The following DIS3L2 variants were observed in gnomAD, a reference collection of about 807,000 sequenced individuals.
DIS3L2 encodes the protein DIS3-like exonuclease 2.
Under a neutral mutation model 97.5 loss-of-function variants are expected in DIS3L2, and 34 were observed. The ratio of observed to expected loss-of-function variants is 0.35; its 90% CI spans 0.27 to 0.46. The LOEUF (loss-of-function observed/expected upper bound fraction) is 0.46. Ranked by LOEUF, DIS3L2 falls within the 20% of genes least tolerant of loss-of-function variation. The pLI is 1.00. For synonymous variants in DIS3L2, 435 were observed against 445.2 expected, an observed-to-expected ratio of 0.98 and a Z score of 0.29; for missense variants, 1,038 against 1,146.0, an observed-to-expected ratio of 0.91 and a Z score of 1.36.
chr2:232,111,577 A>G (rs1697535628), intron 6 of DIS3L2, among the ~76,000 whole-genome samples: 1 of 152,294 alleles, frequency 6.6e-6, no homozygotes, highest in East Asian at 1.9e-4. Context: ...TCAGTACTGT[A>G]GCCACCAGCC....
chr2:232,049,174 A>C (rs1334464170), intron 5 of DIS3L2, among the ~76,000 whole-genome samples: 1 of 152,084 alleles, frequency 6.6e-6, no homozygotes, highest in East Asian at 1.9e-4. Context: ...GGACATTTTA[A>C]TTTTTTATGA....
chr2:232,343,355 A>G, exon 14 of DIS3L2: 4 of 1,555,758 alleles, frequency 2.6e-6, no homozygotes, highest in Non-Finnish European at 3.5e-6. Flanking sequence ...CAGAACGCAG[A>G]CAAGGATGGG....
rs1380900962 is a variant in DIS3L2, at chr2:232,104,443, C to G, written c.601+16722C>G. Among the ~76,000 whole-genome samples the G allele has an allele frequency of 5.3e-5, 8 of 152,072 alleles. 1 individual carries two copies. The highest frequency in any genetic ancestry group is 5.2e-4 in the Admixed American group (8 of 15,260). On this transcript the variant is annotated intron_variant, in intron 6 of 20. Coordinates refer to ENST00000325385, the MANE Select transcript of DIS3L2 (RefSeq NM_152383.5). ...TTTATTGTGGTAAAAAAAAATTTGC[C>G]ATTTTAGCAATTTTTAAGTGTACAA...
Position 232,329,791 on chromosome 2 carries a change from CCATCCCACCCA to C in DIS3L2, c.1740-20_1740-10del. 1 of 334,004 alleles carries C rather than the reference CCATCCCACCCA, an allele frequency of 3.0e-6. No individual in the cohort carries two copies. The allele number at this position is 334,004 out of a possible 1,614,324, so 20.7% of individuals were successfully genotyped here. ...TGTCCCCAAACCCCAGCGGTCCCTCCCATCCCACCCACCCTCTGCAGGCTCGTGGAGGAGTT... is the reference window on the plus strand; with the variant it reads ...TGTCCCCAAACCCCAGCGGTCCCTCCCCCTCTGCAGGCTCGTGGAGGAGTT... On this transcript the variant is annotated splice_polypyrimidine_tract_variant and intron_variant, in intron 14 of 20. Coordinates refer to ENST00000325385, the MANE Select transcript of DIS3L2 (RefSeq NM_152383.5).
At chr2:232,122,155 T>C (rs1697926208) in intron 6 of DIS3L2, among the ~76,000 whole-genome samples, 1 of 152,220 alleles carries the variant, frequency 6.6e-6, no homozygotes, top group South Asian at 2.1e-4. Context: ...TACCTTCTCT[T>C]GTTCCTCCTT....
intron 9 of DIS3L2, among the ~76,000 whole-genome samples, chr2:232,183,896 G>C (rs912472832): frequency 6.6e-6 from 1 of 152,152 alleles, no homozygotes; most frequent in Non-Finnish European, 1.5e-5. Context: ...TTTTTAGGGT[G>C]CTGTAAACCT....
intron 5 of DIS3L2, among the ~76,000 whole-genome samples, chr2:232,072,608 T>C (rs916032991): frequency 2.6e-5 from 4 of 151,782 alleles, no homozygotes; most frequent in Admixed American, 1.3e-4. Flanking sequence ...ATATCACTTA[T>C]GTTTCATAGG....
At chr2:232,072,528 ATAGG>A (rs1335097282) in intron 5 of DIS3L2, among the ~76,000 whole-genome samples, 27 of 152,128 alleles carry the variant, frequency 1.8e-4, no homozygotes, top group African/African-American at 6.0e-4. Flanking sequence ...CCTTTACATC[ATAGG>A]TAGGATTCTG....
At position 232,198,191 on chromosome 2, in the gene DIS3L2, C is replaced by T. The variant is rs545939962; in HGVS notation, c.1125-12135C>T. 4.6e-5 allele frequency among the ~76,000 whole-genome samples: 7 copies of T among 152,060 alleles called. No individual in the cohort carries two copies. In the East Asian group the frequency reaches 1.2e-3, roughly 25 times the overall value. ...CACAAAGTGAGAGTAAAAATAACACCCACCATTGTTATAATTCTATCCCCT... is the reference window on the plus strand; with the variant it reads ...CACAAAGTGAGAGTAAAAATAACACTCACCATTGTTATAATTCTATCCCCT... On this transcript the variant is annotated intron_variant, in intron 9 of 20. Transcript: ENST00000325385.
chr2:232,256,163 G>T (rs751890763), intron 12 of DIS3L2, among the ~76,000 whole-genome samples: 14 of 152,172 alleles, frequency 9.2e-5, no homozygotes, highest in Non-Finnish European at 2.1e-4. Flanking sequence ...CCTTACAATG[G>T]TAACTTTTTC....
intron 1 of DIS3L2, among the ~76,000 whole-genome samples, chr2:232,009,082 A>C (rs755743295): frequency 6.6e-6 from 1 of 151,848 alleles, no homozygotes; most frequent in Non-Finnish European, 1.5e-5. Context: ...TCTCTTTGTT[A>C]ATATTCTGTT....
At chr2:232,017,725 C>G (rs1184655510) in intron 3 of DIS3L2, among the ~76,000 whole-genome samples, 3 of 152,176 alleles carry the variant, frequency 2.0e-5, no homozygotes, top group Non-Finnish European at 4.4e-5. Context: ...GCATGCTGTT[C>G]CTGGTGCTTG....
At position 232,278,507 on chromosome 2, in the gene DIS3L2, G is replaced by GT. The variant is rs1694203869; in HGVS notation, c.1659+15071dup. The stretch of plus-strand genomic sequence containing the variant: ...CTCAGCCCCTGGCAACCATTAACCT[G>GT]TTTTGCCTCTTTATAGTTTTGCCTT... On this transcript the variant is annotated intron_variant, in intron 13 of 20. Transcript: ENST00000325385. 2.0e-5 allele frequency among the ~76,000 whole-genome samples: 3 copies of GT among 152,194 alleles called. No individual in the cohort carries two copies. The East Asian group carries it at 5.8e-4, about 29-fold the overall frequency.
At chr2:232,023,341 G>A (rs1180032556) in intron 3 of DIS3L2, among the ~76,000 whole-genome samples, 1 of 152,142 alleles carries the variant, frequency 6.6e-6, no homozygotes, top group African/African-American at 2.4e-5. Flanking sequence ...TTTAAACATG[G>A]TACAGTGCAG....
At chr2:232,141,171 C>T (rs1690025556) in intron 8 of DIS3L2, among the ~76,000 whole-genome samples, 1 of 151,756 alleles carries the variant, frequency 6.6e-6, no homozygotes, top group Non-Finnish European at 1.5e-5. Context: ...TATATTTTCT[C>T]AGCCCTTTGG....
chr2:232,098,768 T>C (rs1478674769), intron 6 of DIS3L2, among the ~76,000 whole-genome samples: 1 of 152,222 alleles, frequency 6.6e-6, no homozygotes, highest in Non-Finnish European at 1.5e-5. Flanking sequence ...GAATTTCTTA[T>C]CTTCTATCTA....
intron 1 of DIS3L2, among the ~76,000 whole-genome samples, chr2:232,005,009 G>A (rs182684751): frequency 6.6e-6 from 1 of 152,226 alleles, no homozygotes; most frequent in African/African-American, 2.4e-5. Context: ...GTTCTTGTCT[G>A]ATAGTTCTAA....
chr2:231,977,966 C>T (rs1179638725), intron 1 of DIS3L2, among the ~76,000 whole-genome samples: 1 of 152,146 alleles, frequency 6.6e-6, no homozygotes, highest in Non-Finnish European at 1.5e-5. Context: ...CCTGCCCTAC[C>T]TCCATGAGTC....
At chr2:232,073,657 G>T (rs984885023) in intron 5 of DIS3L2, among the ~76,000 whole-genome samples, 1 of 152,094 alleles carries the variant, frequency 6.6e-6, no homozygotes, top group Non-Finnish European at 1.5e-5. Context: ...CTTGGAGTTC[G>T]GGTGAGCCAG....
Sources: allele counts gnomAD v4.1 joint callset (sites outside exome capture counted in the v4.1 genomes callset), GRCh38; gene constraint gnomAD v4.1.1; transcripts MANE v1.5; gene names NCBI Gene and HGNC (gene_info 2026-07-23, HGNC 2026-07-21).